PDZD2: variants seen among roughly 807,000 people sequenced by gnomAD.
The protein encoded by PDZD2 is PDZ domain containing 2.
PDZD2 carries 90 observed loss-of-function variants against 220.7 expected under a neutral mutation model. The ratio of observed to expected loss-of-function variants is 0.41; its 90% CI spans 0.34 to 0.49. PDZD2 has a LOEUF of 0.49. PDZD2 is among the 20% of genes least tolerant of loss of function. PDZD2 has a pLI of 0.28. For synonymous variants in PDZD2, 1,375 were observed against 1,450.5 expected (o/e 0.95, Z 1.18); for missense variants, 3,174 against 3,608.5 (o/e 0.88, Z 3.08).
intron 1 of PDZD2, among the ~76,000 whole-genome samples, chr5:31,797,333 T>C (rs1754107471): frequency 6.6e-6 from 1 of 152,078 alleles, no homozygotes. Flanking sequence ...GTAAAGGATC[T>C]TTTAAAATGT....
intron 1 of PDZD2, among the ~76,000 whole-genome samples, chr5:31,675,850 C>T (rs1746390753): frequency 1.3e-5 from 2 of 152,152 alleles, no homozygotes; most frequent in African/African-American, 2.4e-5. Flanking sequence ...TATGGGCACG[C>T]ACCACCATGC....
At chr5:31,745,282 C>T (rs528631484) in intron 1 of PDZD2, among the ~76,000 whole-genome samples, 10 of 152,024 alleles carry the variant, frequency 6.6e-5, no homozygotes, top group Non-Finnish European at 1.2e-4. Context: ...CCAATAACAC[C>T]ACCATCCAGA....
chr5:31,660,990 T>C (rs1745740068), intron 1 of PDZD2, among the ~76,000 whole-genome samples: 1 of 152,088 alleles, frequency 6.6e-6, no homozygotes, highest in South Asian at 2.1e-4. Context: ...CACCTTGACC[T>C]CCCAAAGTGC....
intron 1 of PDZD2, among the ~76,000 whole-genome samples, chr5:31,697,804 G>C (rs1057429913): frequency 1.3e-5 from 2 of 152,324 alleles, no homozygotes; most frequent in South Asian, 4.1e-4. Flanking sequence ...CTTTGGGTCT[G>C]GTTGGGATGC....
At chr5:31,720,761 TG>T (rs1748739827) in intron 1 of PDZD2, among the ~76,000 whole-genome samples, 1 of 152,156 alleles carries the variant, frequency 6.6e-6, no homozygotes, top group South Asian at 2.1e-4. Flanking sequence ...CTCCTGGGGA[TG>T]GGGCAGGACC....
At chr5:31,827,086 G>T (rs1044857564) in intron 2 of PDZD2, among the ~76,000 whole-genome samples, 2 of 152,172 alleles carry the variant, frequency 1.3e-5, no homozygotes, top group Non-Finnish European at 2.9e-5. Context: ...CCTGGCCAGG[G>T]AACCTTGCTC....
chr5:32,027,692 C>T (rs186345122), intron 6 of PDZD2, among the ~76,000 whole-genome samples: 6 of 152,166 alleles, frequency 3.9e-5, no homozygotes, highest in Non-Finnish European at 7.3e-5. Flanking sequence ...TGGAAAGCAG[C>T]GGGTCGAGTG....
chr5:31,963,424 A>G (rs1032450400), intron 2 of PDZD2, among the ~76,000 whole-genome samples: 1 of 152,226 alleles, frequency 6.6e-6, no homozygotes, highest in African/African-American at 2.4e-5. Context: ...TCTGACCGGT[A>G]GGCCAGAACA....
rs771893787 is a variant in PDZD2, at chr5:32,074,113, C to T, written c.3007C>T (p.Arg1003Cys). The T allele has an allele frequency of 3.7e-6, 6 of 1,614,096 alleles. No homozygotes were observed. The South Asian group carries it at 4.4e-5, about 12-fold the overall frequency. ...GCCTCTGTCAGAGGATGACCCGAGG[C>T]GTGTCTCAATTTCCTCTTCCAAGGG... ...IRPLSEDDPRRVSISSSKGMD... is the reference protein window; with the variant it reads ...IRPLSEDDPRCVSISSSKGMD... The change falls in exon 18 of 25, where the codon CGT becomes TGT. Residue 1003 changes from arginine to cysteine, a missense_variant. By Grantham distance (180) the Arg-to-Cys change is radical. Around this residue, in one of 4 missense-constraint regions of PDZD2, gnomAD observed 1,861 missense variants for 2,001.0 expected, o/e 0.93. Transcript: ENST00000438447.
At chr5:31,817,965 A>T (rs1450721843) in intron 2 of PDZD2, among the ~76,000 whole-genome samples, 3 of 112,232 alleles carry the variant, frequency 2.7e-5, no homozygotes, top group East Asian at 2.3e-4. Context: ...CACCTGGCCA[A>T]TTTTTTTTTT....
intron 2 of PDZD2, among the ~76,000 whole-genome samples, chr5:31,970,899 G>A (rs76458798): frequency 0.057 from 8,613 of 152,104 alleles, 268 homozygotes; most frequent in Middle Eastern, 0.11. Flanking sequence ...TTTTATCTTC[G>A]GACCAGTCTG....
intron 2 of PDZD2, among the ~76,000 whole-genome samples, chr5:31,897,894 A>G (rs1307761687): frequency 6.6e-6 from 1 of 151,934 alleles, no homozygotes; most frequent in African/African-American, 2.4e-5. Context: ...CTGCCATCAC[A>G]TCTGGCTAAT....
chr5:31,777,436 G>A (rs934988333), intron 1 of PDZD2, among the ~76,000 whole-genome samples: 35 of 142,574 alleles, frequency 2.5e-4, no homozygotes, highest in South Asian at 1.6e-3. Context: ...GAGCCTCCCC[G>A]ACGGGCGCCG....
intron 19 of PDZD2, among the ~76,000 whole-genome samples, chr5:32,081,812 C>T (rs1244030063): frequency 1.3e-5 from 2 of 152,108 alleles, no homozygotes; most frequent in Admixed American, 6.6e-5. Flanking sequence ...CGCTCTGCCT[C>T]CCAGGTTCAT....
chr5:31,685,800 T>C (rs1746832340), intron 1 of PDZD2, among the ~76,000 whole-genome samples: 1 of 152,120 alleles, frequency 6.6e-6, no homozygotes, highest in African/African-American at 2.4e-5. Context: ...GGATTACAGG[T>C]GTGAGTCACC....
intron 1 of PDZD2, among the ~76,000 whole-genome samples, chr5:31,675,701 T>A (rs1288391559): frequency 1.3e-5 from 2 of 152,180 alleles, no homozygotes; most frequent in African/African-American, 2.4e-5. Context: ...AGGACTTTTT[T>A]ATTTTTTTAT....
At chr5:31,740,624 C>T (rs1178217543) in intron 1 of PDZD2, among the ~76,000 whole-genome samples, 3 of 148,054 alleles carry the variant, frequency 2.0e-5, no homozygotes, top group African/African-American at 7.4e-5. Context: ...AGAGTTTGCT[C>T]AACTTTAATT....
chr5:31,993,515 CTG>C (rs1561287534), intron 3 of PDZD2, among the ~76,000 whole-genome samples: 2 of 152,168 alleles, frequency 1.3e-5, no homozygotes, highest in African/African-American at 4.8e-5. Flanking sequence ...CAGTTTCTGA[CTG>C]TGTATTTCAG....
chr5:31,691,841 T>G (rs1295197869), intron 1 of PDZD2, among the ~76,000 whole-genome samples: 1 of 152,204 alleles, frequency 6.6e-6, no homozygotes, highest in African/African-American at 2.4e-5. Flanking sequence ...TTGGTGTGTT[T>G]ACAAACCTTG....
Sources: allele counts gnomAD v4.1 joint callset (sites outside exome capture counted in the v4.1 genomes callset), GRCh38; gene constraint gnomAD v4.1.1; regional missense constraint gnomAD v4.1.1; transcripts MANE v1.5; gene names NCBI Gene and HGNC (gene_info 2026-07-23, HGNC 2026-07-21).